KDM4D: variants seen among roughly 807,000 people sequenced by gnomAD.
The protein encoded by KDM4D is lysine-specific demethylase 4D.
For missense variants in KDM4D, 427 were observed against 674.8 expected, an observed-to-expected ratio of 0.63 and a Z score of 4.07; for synonymous variants, 254 against 249.1, an observed-to-expected ratio of 1.02 and a Z score of -0.19.
At chr11:94,989,396 T>G (rs1857914639) in intron 2 of KDM4D, among the ~76,000 whole-genome samples, 1 of 152,210 alleles carries the variant, frequency 6.6e-6, no homozygotes, top group South Asian at 2.1e-4. Flanking sequence ...TTCTGGCTCC[T>G]GCCTCTCTCT....
In KDM4D at chr11:94,973,877, C is replaced by T. The variant is rs1857771021; in HGVS notation, c.-636C>T. 6.6e-6 allele frequency: 1 copy of T among 152,292 alleles called. No homozygotes were observed. The highest frequency in any genetic ancestry group is 2.4e-5 in the African/African-American group (1 of 41,474). The allele number at this position is 152,292 out of a possible 1,614,324, so 9.4% of individuals were successfully genotyped here. A position where few individuals can be genotyped will look rare whatever the true frequency, so the allele number is the denominator to read the frequency against. ...GCCCCGGGTAGCCGACACCACGTCC[C>T]CGGCTAGCGGGAGAGAGCGTGGAAA... On this transcript the variant is annotated 5_prime_UTR_variant, in exon 1 of 3. Coordinates refer to ENST00000335080, the MANE Select transcript of KDM4D (RefSeq NM_018039.3).
At chr11:94,988,370 C>T (rs11020998) in intron 2 of KDM4D, among the ~76,000 whole-genome samples, 34,525 of 151,998 alleles carry the variant, frequency 0.23, 4,975 homozygotes, top group East Asian at 0.68. Context: ...TTTTATTTTT[C>T]GGTAAACCTC....
chr11:94,997,446 A>G lies in KDM4D; in HGVS notation c.74A>G (p.Lys25Arg). Residue 25 changes from lysine to arginine, a missense_variant, in exon 3 of 3, where the codon AAA (lysine) becomes AGA (arginine). By Grantham distance (26) the Lys-to-Arg change is conservative. Transcript: ENST00000335080. The part of the protein sequence containing the change: ...NCNIMIFHPT[K>R]EEFNDFDKYI... ...AACATAATGATATTTCATCCAACCAAAGAAGAGTTTAATGATTTTGATAAA... is the reference window on the plus strand; with the variant it reads ...AACATAATGATATTTCATCCAACCAGAGAAGAGTTTAATGATTTTGATAAA... 2 of 1,613,620 alleles carry G rather than the reference A, an allele frequency of 1.2e-6. No individual in the cohort carries two copies. The highest frequency in any genetic ancestry group is 2.2e-5 in the South Asian group (2 of 91,012).
At position 94,998,737 on chromosome 11, in the gene KDM4D, C is replaced by T. The variant is rs1857999898; in HGVS notation, c.1365C>T (p.Arg455=). 9.9e-6 allele frequency: 16 copies of T among 1,613,878 alleles called. No individual in the cohort carries two copies. Among genetic ancestry groups the T allele is most frequent in the Non-Finnish European group, 1.3e-5 (15 of 1,179,896 alleles). Residue 455 remains arginine, a synonymous_variant, in exon 3 of 3, where the codon CGC becomes CGT. Transcript: ENST00000335080. This position sits in a 1 kb window ranked among gnomAD's most constrained non-coding sequence, Gnocchi z 6.7. Reference sequence around the variant, plus strand: ...CAAATGGCAGACGTGGTCGTGGTCGCCCTCCTCAGAAACTGAGAGCTCAGG... The same window carrying T: ...CAAATGGCAGACGTGGTCGTGGTCGTCCTCCTCAGAAACTGAGAGCTCAGG... ...HPSNGRRGRG[R]PPQKLRAQEL... is the part of the protein sequence containing the mutation.
chr11:94,993,717 A>T (rs1012040052), intron 2 of KDM4D, among the ~76,000 whole-genome samples: 1 of 152,076 alleles, frequency 6.6e-6, no homozygotes, highest in East Asian at 1.9e-4. Context: ...TATTCAAAAA[A>T]ATATATAGGT....
In KDM4D at chr11:94,997,969, C is replaced by T. The variant is rs1555099458; in HGVS notation, c.597C>T (p.Tyr199=). The T allele has an allele frequency of 1.4e-5, 23 of 1,614,092 alleles. No individual in the cohort carries two copies. The highest frequency in any genetic ancestry group is 1.8e-5 in the Non-Finnish European group (21 of 1,180,044). ...FAWHTEDMDL[Y]SINYLHLGEP... ...GGCATACAGAGGACATGGACCTTTA[C>T]AGCATCAACTACCTGCACCTTGGGG... The change falls in exon 3 of 3, where the codon TAC becomes TAT. Residue 199 remains tyrosine (Y), a synonymous_variant. Transcript: ENST00000335080.
chr11:94,980,573 G>A (rs1319047605), intron 2 of KDM4D, among the ~76,000 whole-genome samples: 2 of 152,098 alleles, frequency 1.3e-5, no homozygotes, highest in Non-Finnish European at 2.9e-5. Flanking sequence ...TGTTTAGGAT[G>A]TCTTTAGTTT....
Position 94,992,607 on chromosome 11 carries a change from G to A in KDM4D, c.-349-4417G>A, listed in dbSNP as rs145835977. On this transcript the variant is annotated intron_variant, in intron 2 of 2. Transcript: ENST00000335080. Reference sequence around the variant, plus strand: ...ATTTTTTCTTTAAAGTTTTGGCAACGTGTATTAAAGATCTTAAAATATTTA... The same window carrying A: ...ATTTTTTCTTTAAAGTTTTGGCAACATGTATTAAAGATCTTAAAATATTTA... 1.6e-3 allele frequency among the ~76,000 whole-genome samples: 241 copies of A among 152,028 alleles called. 1 individual carries two copies. The highest frequency in any genetic ancestry group is 5.5e-3 in the African/African-American group (227 of 41,510).
At chr11:94,977,261 G>A (rs1857804956) in intron 2 of KDM4D, among the ~76,000 whole-genome samples, 1 of 152,196 alleles carries the variant, frequency 6.6e-6, no homozygotes, top group Non-Finnish European at 1.5e-5. Flanking sequence ...AACATAGTTG[G>A]ATGGGATTGA....
At chr11:94,983,043 A>T (rs1368518031) in intron 2 of KDM4D, among the ~76,000 whole-genome samples, 11 of 152,042 alleles carry the variant, frequency 7.2e-5, no homozygotes, top group African/African-American at 2.7e-4. Flanking sequence ...TATACCCAAG[A>T]TAATTTTGAA....
chr11:94,989,012 A>C (rs1175787876), intron 2 of KDM4D, among the ~76,000 whole-genome samples: 2 of 152,200 alleles, frequency 1.3e-5, no homozygotes, highest in African/African-American at 4.8e-5. Context: ...TGAGAAAAGA[A>C]ATCTGATTCA....
intron 1 of KDM4D, among the ~76,000 whole-genome samples, chr11:94,974,298 C>G (rs1857776376): frequency 6.6e-6 from 1 of 152,098 alleles, no homozygotes; most frequent in Non-Finnish European, 1.5e-5. Context: ...AACCCGAAAA[C>G]CAAAAACCTA....
At chr11:94,995,352 G>A (rs1453734169) in intron 2 of KDM4D, among the ~76,000 whole-genome samples, 1 of 152,182 alleles carries the variant, frequency 6.6e-6, no homozygotes, top group African/African-American at 2.4e-5. Flanking sequence ...TAAGGGGTCT[G>A]TCTAAATGAA....
intron 2 of KDM4D, among the ~76,000 whole-genome samples, chr11:94,986,626 T>A (rs1857890252): frequency 6.6e-6 from 1 of 151,974 alleles, no homozygotes; most frequent in Non-Finnish European, 1.5e-5. Context: ...CCACAAAAAT[T>A]ACGACTTTTT....
In KDM4D at chr11:94,997,467, A is replaced by G; in HGVS notation, c.95A>G (p.Asp32Gly). The G allele has an allele frequency of 6.2e-7, 1 of 1,614,088 alleles. No individual in the cohort carries two copies. The change falls in exon 3 of 3, where the codon GAT becomes GGT. Residue 32 changes from aspartate (D) to glycine (G), a missense_variant. Transcript: ENST00000335080. ...ACCAAAGAAGAGTTTAATGATTTTG[A>G]TAAATATATTGCTTACATGGAATCC... Reference protein sequence around the residue: ...HPTKEEFNDFDKYIAYMESQG... With the variant: ...HPTKEEFNDFGKYIAYMESQG...
intron 2 of KDM4D, among the ~76,000 whole-genome samples, chr11:94,985,633 GA>G (rs587607153): frequency 6.6e-6 from 1 of 151,402 alleles, no homozygotes; most frequent in Non-Finnish European, 1.5e-5. Flanking sequence ...AAACAATCTT[GA>G]AAAAAAAGAA....
At chr11:94,992,402 A>G (rs1446893381) in intron 2 of KDM4D, among the ~76,000 whole-genome samples, 5 of 152,048 alleles carry the variant, frequency 3.3e-5, no homozygotes, top group African/African-American at 1.2e-4. Context: ...GGCAAAGGAT[A>G]TGAACCAATA....
intron 2 of KDM4D, among the ~76,000 whole-genome samples, chr11:94,991,519 A>T (rs1009998805): frequency 6.6e-6 from 1 of 152,168 alleles, no homozygotes; most frequent in African/African-American, 2.4e-5. Flanking sequence ...AGACAATAAG[A>T]AAGAAAAGCA....
At chr11:94,978,943 G>A (rs74356407) in intron 2 of KDM4D, among the ~76,000 whole-genome samples, 1,810 of 151,894 alleles carry the variant, frequency 0.012, 46 homozygotes, top group African/African-American at 0.041. Flanking sequence ...AAGAAAAAGT[G>A]ACAAATCTAA....
Sources: gnomAD v4.1 joint callset for allele counts (sites outside exome capture counted in the v4.1 genomes callset) on GRCh38, gnomAD v4.1.1 for gene constraint, Gnocchi (gnomAD v3.1) non-coding constraint, MANE v1.5 for transcripts, NCBI Gene and HGNC (gene_info 2026-07-23, HGNC 2026-07-21) for gene names.